SRD5A2: variants seen among roughly 807,000 people sequenced by gnomAD.
SRD5A2 encodes the protein 3-oxo-5-alpha-steroid 4-dehydrogenase 2.
SRD5A2 carries 30 observed loss-of-function variants against 27.4 expected under a neutral mutation model. The ratio of observed to expected loss-of-function variants is 1.10; its 90% CI spans 0.82 to 1.49. The LOEUF (loss-of-function observed/expected upper bound fraction) is 1.49, where lower values mean the gene tolerates loss of function less well. Ranked by LOEUF, SRD5A2 falls within the 40% of genes most tolerant of loss-of-function variation. SRD5A2 has a pLI of 0.00. For synonymous variants in SRD5A2, 141 were observed against 133.6 expected (o/e 1.06, Z -0.38); for missense variants, 348 against 323.4 (o/e 1.08, Z -0.58).
the SRD5A2 span, among the ~76,000 whole-genome samples, chr2:31,603,905 T>C: frequency 6.6e-6 from 1 of 151,152 alleles, no homozygotes; most frequent in Non-Finnish European, 1.5e-5. Context: ...GGGTGTGGGG[T>C]GGAAAGAGAG....
chr2:31,551,068 T>C (rs1666372686), intron 1 of SRD5A2, among the ~76,000 whole-genome samples: 2 of 152,084 alleles, frequency 1.3e-5, no homozygotes, highest in Admixed American at 1.3e-4. Context: ...TACTAATGAA[T>C]ATGTTGACAC....
the SRD5A2 span, among the ~76,000 whole-genome samples, chr2:31,623,775 C>T: frequency 3.3e-5 from 5 of 152,046 alleles, no homozygotes; most frequent in African/African-American, 1.2e-4. Context: ...GAGGTATGTT[C>T]CTTCAATATC....
Position 31,531,529 on chromosome 2 carries a change from C to CT in SRD5A2, c.446-58dup, listed in dbSNP as rs953260511. 43 of 1,004,556 alleles carry CT rather than the reference C, an allele frequency of 4.3e-5. No individual in the cohort carries two copies. In the African/African-American group the frequency reaches 6.6e-4, roughly 15 times the overall value. 62.2% of individuals were successfully genotyped at this position (1,004,556 alleles called of 1,614,324 possible). A position where few individuals can be genotyped will look rare whatever the true frequency, so the allele number is the denominator to read the frequency against. ...TTTTAAATGTGTCCAGATTGTGGTG[C>CT]TTTTTTCACAAACTAAGCTAAAATG... On this transcript the variant is annotated intron_variant, in intron 2 of 4. Coordinates refer to ENST00000622030, the MANE Select transcript of SRD5A2 (RefSeq NM_000348.4).
chr2:31,642,957 T>A, the SRD5A2 span, among the ~76,000 whole-genome samples: 1 of 152,112 alleles, frequency 6.6e-6, no homozygotes, highest in South Asian at 2.1e-4. Context: ...TATATAATGT[T>A]CCAAAGCAGG....
intron 1 of SRD5A2, among the ~76,000 whole-genome samples, chr2:31,549,904 A>G (rs1666349671): frequency 1.3e-5 from 2 of 152,210 alleles, no homozygotes; most frequent in East Asian, 3.8e-4. Flanking sequence ...TATAATCAAC[A>G]TTTCTATTAC....
chr2:31,644,117 T>C, the SRD5A2 span, among the ~76,000 whole-genome samples: 2 of 152,240 alleles, frequency 1.3e-5, no homozygotes, highest in Admixed American at 6.5e-5. Context: ...ATAAGCATAC[T>C]GATATTGCTG....
the SRD5A2 span, among the ~76,000 whole-genome samples, chr2:31,596,190 C>T: frequency 3.9e-5 from 6 of 152,058 alleles, no homozygotes; most frequent in Admixed American, 3.9e-4. Flanking sequence ...GAGTTTGAGA[C>T]CAGCGTGACC....
chr2:31,528,603 C>T (rs1158164866), intron 4 of SRD5A2, among the ~76,000 whole-genome samples: 1 of 151,986 alleles, frequency 6.6e-6, no homozygotes, highest in African/African-American at 2.4e-5. Context: ...CTTGTCTCTA[C>T]TAAAAATGCA....
chr2:31,526,102 T>C lies in SRD5A2; in HGVS notation c.*94A>G. On this transcript the variant is annotated 3_prime_UTR_variant, in exon 5 of 5. Transcript: ENST00000622030. ...GCCAGGAGACCTACTATTACATATA[T>C]ACGGGACTATTATATCATGAAAATT... is the stretch of plus-strand genomic sequence containing the variant. 1.2e-6 allele frequency: 1 copy of C among 831,484 alleles called. No individual in the cohort carries two copies. Among genetic ancestry groups the C allele is most frequent in the Non-Finnish European group, 2.0e-6 (1 of 505,456 alleles). The allele number at this position is 831,484 out of a possible 1,614,324, so 51.5% of individuals were successfully genotyped here.
chr2:31,528,858 A>T (rs1558355563), intron 4 of SRD5A2, among the ~76,000 whole-genome samples: 1 of 152,204 alleles, frequency 6.6e-6, no homozygotes, highest in East Asian at 1.9e-4. Context: ...CACTTCCAGA[A>T]ATGTGGTGGG....
chr2:31,619,292 T>C, the SRD5A2 span, among the ~76,000 whole-genome samples: 4 of 152,100 alleles, frequency 2.6e-5, no homozygotes, highest in African/African-American at 9.7e-5. Flanking sequence ...CATGACCGAG[T>C]AATTCTATTT....
the SRD5A2 span, among the ~76,000 whole-genome samples, chr2:31,642,967 G>A: frequency 2.0e-5 from 3 of 151,946 alleles, no homozygotes; most frequent in Non-Finnish European, 2.9e-5. Flanking sequence ...TCCAAAGCAG[G>A]TAAAGTTAAT....
chr2:31,557,410 T>C (rs1382002985), intron 1 of SRD5A2, among the ~76,000 whole-genome samples: 3 of 152,252 alleles, frequency 2.0e-5, no homozygotes, highest in Non-Finnish European at 2.9e-5. Context: ...TCCAAGTCTA[T>C]GTCTACACAG....
the SRD5A2 span, among the ~76,000 whole-genome samples, chr2:31,662,054 CTT>C: frequency 4.6e-5 from 7 of 152,150 alleles, no homozygotes; most frequent in South Asian, 6.2e-4. Flanking sequence ...ACTTTTCACT[CTT>C]AACATTTTTC....
the SRD5A2 span, among the ~76,000 whole-genome samples, chr2:31,604,620 T>C: frequency 1.3e-5 from 2 of 151,472 alleles, no homozygotes; most frequent in East Asian, 1.9e-4. Flanking sequence ...ATCTCTACAA[T>C]AAAAACCACA....
the SRD5A2 span, among the ~76,000 whole-genome samples, chr2:31,637,576 G>C: frequency 1.3e-5 from 2 of 152,082 alleles, no homozygotes; most frequent in Non-Finnish European, 2.9e-5. Flanking sequence ...ATAATTAGTA[G>C]TAGGTGTAAA....
At chr2:31,620,775 T>C in the SRD5A2 span, among the ~76,000 whole-genome samples, 1 of 150,936 alleles carries the variant, frequency 6.6e-6, no homozygotes, top group Non-Finnish European at 1.5e-5. Flanking sequence ...GGGCTGCATA[T>C]CCACCAGATA....
At chr2:31,615,691 C>T in the SRD5A2 span, among the ~76,000 whole-genome samples, 2 of 152,204 alleles carry the variant, frequency 1.3e-5, no homozygotes, top group Non-Finnish European at 2.9e-5. Flanking sequence ...TTCAAGCCAG[C>T]TGCAGAAATT....
At chr2:31,591,737 A>C in the SRD5A2 span, among the ~76,000 whole-genome samples, 98,230 of 98,230 alleles carry the variant, frequency 1, 49,115 homozygotes, top group Non-Finnish European at 1. Context: ...CACATATACA[A>C]CATGGAATAA....
Sources: allele counts gnomAD v4.1 joint callset (sites outside exome capture counted in the v4.1 genomes callset), GRCh38; gene constraint gnomAD v4.1.1; transcripts MANE v1.5; gene names NCBI Gene and HGNC (gene_info 2026-07-23, HGNC 2026-07-21).